The following UBXN8 variants were observed in gnomAD, a reference collection of about 807,000 sequenced individuals.
The protein encoded by UBXN8 is UBX domain protein 8, also known as UBX domain-containing protein 8.
UBXN8 carries 27 observed loss-of-function variants against 32.1 expected under a neutral mutation model. That is an observed-to-expected ratio of 0.84 (90% CI 0.62 to 1.16). UBXN8 has a LOEUF of 1.16. Ranked by LOEUF, UBXN8 falls within the 50% of genes most tolerant of loss-of-function variation. The pLI is 0.00. For synonymous variants in UBXN8, 109 were observed against 111.8 expected (o/e 0.98, Z 0.16); for missense variants, 306 against 311.4 (o/e 0.98, Z 0.13).
chr8:30,760,865 C>T (rs745360778), intron 5 of UBXN8, 23 bp from the exon 6 acceptor site: 2 of 1,496,974 alleles, frequency 1.3e-6, no homozygotes, highest in Admixed American at 4.4e-5. Flanking sequence ...GTTTACATTC[C>T]TCTTACCAAT....
In UBXN8 at chr8:30,763,313, T is replaced by C. The variant is rs1471792227; in HGVS notation, c.611T>C (p.Leu204Pro). Residue 204 changes from leucine to proline, a missense_variant, in exon 7 of 8, where the codon CTG (leucine) becomes CCG (proline). Leu to Pro is a moderately conservative substitution (Grantham distance 98, BLOSUM62 -3). Transcript: ENST00000265616. ...VALRCPSGNVLRRRFLKSYSS... is the reference protein window; with the variant it reads ...VALRCPSGNVPRRRFLKSYSS... ...CTCCGATGTCCCAGTGGGAATGTCC[T>C]GAGGAGAAGGTTTTTGAAGTCCTAC... 1 of 1,613,748 alleles carries C rather than the reference T, an allele frequency of 6.2e-7. No homozygotes were observed. The highest frequency in any genetic ancestry group is 8.5e-7 in the Non-Finnish European group (1 of 1,179,732).
chr8:30,757,085 C>T (rs553497555), intron 5 of UBXN8, among the ~76,000 whole-genome samples, 198 bp downstream of exon 5: 4 of 151,894 alleles, frequency 2.6e-5, no homozygotes, highest in African/African-American at 9.7e-5. Flanking sequence ...CTTTGGGAGG[C>T]CGAGGCCGAT....
At chr8:30,745,692 C>G (rs1805342365) in intron 1 of UBXN8, among the ~76,000 whole-genome samples, 1 of 152,238 alleles carries the variant, frequency 6.6e-6, no homozygotes, top group African/African-American at 2.4e-5. Flanking sequence ...TGAATTCACA[C>G]TCACCATTTC....
upstream of UBXN8, among the ~76,000 whole-genome samples, chr8:30,729,861 C>G (rs1156265741): frequency 6.6e-6 from 1 of 152,120 alleles, no homozygotes; most frequent in Admixed American, 6.6e-5. Context: ...AGACCAGTTT[C>G]CATACATAGA....
chr8:30,755,537 G>A (rs1034680763), intron 4 of UBXN8, among the ~76,000 whole-genome samples: 3 of 152,032 alleles, frequency 2.0e-5, no homozygotes, highest in African/African-American at 7.2e-5. Context: ...CAGATTGCTT[G>A]AGACGAGGAG....
At chr8:30,732,276 C>T (rs183791596), upstream of UBXN8, 154 of 397,334 alleles carry the variant, frequency 3.9e-4, no homozygotes, top group African/African-American at 2.8e-3. Flanking sequence ...CCACGGCAGT[C>T]GGGTGCGCCA....
At chr8:30,750,494 C>T (rs975935697) in intron 1 of UBXN8, among the ~76,000 whole-genome samples, 1 of 150,808 alleles carries the variant, frequency 6.6e-6, no homozygotes, top group African/African-American at 2.4e-5. Flanking sequence ...CCCTGTCGGC[C>T]GGGCACGGTG....
intron 1 of UBXN8, chr8:30,734,243 A>G (rs1463515252): frequency 6.6e-6 from 1 of 152,174 alleles, no homozygotes; most frequent in African/African-American, 2.4e-5. Context: ...TTTTTTTCTG[A>G]TTACAAAATT....
upstream of UBXN8, among the ~76,000 whole-genome samples, chr8:30,731,811 G>T (rs1018629044): frequency 2.6e-5 from 4 of 152,182 alleles, no homozygotes; most frequent in Non-Finnish European, 5.9e-5. Context: ...TCCATCTCAA[G>T]CACCTAAGAA....
At chr8:30,757,018 C>T in intron 5 of UBXN8, 131 bp downstream of exon 5, 3 of 1,358,982 alleles carry the variant, frequency 2.2e-6, no homozygotes, top group Non-Finnish European at 3.0e-6. Flanking sequence ...CACTGCCTTA[C>T]AAAGCAATCA....
rs35768128 is a variant in UBXN8 at position 30,766,010 on chromosome 8, CA to C, written c.646-202del. Among the ~76,000 whole-genome samples, 387 of 133,714 alleles carry C rather than the reference CA, an allele frequency of 2.9e-3. 3 individuals are homozygous for C. The highest frequency in any genetic ancestry group is 9.1e-3 in the African/African-American group (326 of 35,662). The allele number at this position is 133,714 out of a possible 152,430, so 87.7% of individuals were successfully genotyped here. A position where few individuals can be genotyped will look rare whatever the true frequency, so the allele number is the denominator to read the frequency against. ...GGGTGACAGAGCGAGACTCCCATCT[CA>C]AAAAAAAAAAAAAAGAATATTCCTA... is the stretch of plus-strand genomic sequence containing the variant. On this transcript the variant is annotated intron_variant, in intron 7 of 7. Transcript: ENST00000265616.
intron 6 of UBXN8, among the ~76,000 whole-genome samples, chr8:30,762,574 G>A (rs1156587366): frequency 6.6e-6 from 1 of 151,930 alleles, no homozygotes; most frequent in South Asian, 2.1e-4. Context: ...TGTATTTTTA[G>A]TAGAGATGGG....
chr8:30,761,063 C>G (rs1805819750), intron 6 of UBXN8, 134 bp downstream of exon 6: 3 of 626,104 alleles, frequency 4.8e-6, no homozygotes, highest in South Asian at 4.4e-5. Flanking sequence ...TATACTGTAA[C>G]TAGGTCTTTT....
chr8:30,741,730 G>A (rs1385966173), upstream of UBXN8, among the ~76,000 whole-genome samples: 3 of 152,090 alleles, frequency 2.0e-5, no homozygotes, highest in African/African-American at 7.2e-5. Context: ...GATTACAGGC[G>A]TGAGTCACCG....
chr8:30,764,910 C>CGTG lies in UBXN8; in HGVS notation c.646-1310_646-1308dup, dbSNP rs1212098776. 5.9e-5 allele frequency among the ~76,000 whole-genome samples: 9 copies of CGTG among 152,034 alleles called. No individual in the cohort carries two copies. The East Asian group carries it at 1.7e-3, about 30-fold the overall frequency. ...ACTAAAAATACAAAAATTAGCCGGA[C>CGTG]GTGGTGGTGCGTGCCTGTAGTCCCA... On this transcript the variant is annotated intron_variant, in intron 7 of 7. Transcript: ENST00000265616.
chr8:30,756,831 T>A lies in UBXN8; in HGVS notation c.472T>A (p.Leu158Met). ...SNREAAKSQNLPKPLTEFPSP... is the reference protein window; with the variant it reads ...SNREAAKSQNMPKPLTEFPSP... ...CAGAGAAGCAGCAAAGAGCCAGAAC[T>A]TGCCTAAACCTTTAACTGAATTTCC... is the stretch of plus-strand genomic sequence containing the variant. Residue 158 changes from leucine to methionine, a missense_variant, in exon 5 of 8, where the codon TTG becomes ATG. Leu to Met is a conservative substitution (Grantham distance 15, BLOSUM62 2). Transcript: ENST00000265616. 1 of 1,614,014 alleles carries A rather than the reference T, an allele frequency of 6.2e-7. No individual in the cohort carries two copies.
At chr8:30,764,785 C>A (rs1478421691) in intron 7 of UBXN8, among the ~76,000 whole-genome samples, 1 of 152,188 alleles carries the variant, frequency 6.6e-6, no homozygotes, top group Non-Finnish European at 1.5e-5. Flanking sequence ...GGTACCATGG[C>A]TCACGCCTGT....
chr8:30,737,278 G>T (rs1805086823), intron 1 of UBXN8, among the ~76,000 whole-genome samples: 1 of 152,022 alleles, frequency 6.6e-6, no homozygotes. Flanking sequence ...AAGGCAGTCT[G>T]TTGGGAAATC....
At chr8:30,738,113 T>C (rs1007797274) in intron 1 of UBXN8, among the ~76,000 whole-genome samples, 1 of 133,628 alleles carries the variant, frequency 7.5e-6, no homozygotes, top group Non-Finnish European at 1.6e-5. Flanking sequence ...AAAAAAAAAA[T>C]AGGAGAATCT....
Sources: allele counts gnomAD v4.1 joint callset (sites outside exome capture counted in the v4.1 genomes callset), GRCh38; gene constraint gnomAD v4.1.1; transcripts MANE v1.5; gene names NCBI Gene and HGNC (gene_info 2026-07-23, HGNC 2026-07-21).